LSAMP: variants seen among roughly 807,000 people sequenced by gnomAD.
LSAMP encodes the protein limbic system-associated membrane protein.
A neutral mutation model predicts 38.6 loss-of-function variants in LSAMP; 7 were observed. The observed-to-expected ratio is 0.18, with a 90% CI of 0.10 to 0.34. The LOEUF (loss-of-function observed/expected upper bound fraction) is 0.34, where lower values mean the gene tolerates loss of function less well. Ranked by LOEUF, LSAMP falls within the 10% of genes least tolerant of loss-of-function variation. LSAMP has a pLI of 1.00. For synonymous variants in LSAMP, 154 were observed against 166.8 expected (o/e 0.92, Z 0.59); for missense variants, 313 against 420.0 (o/e 0.75, Z 2.23).
At chr3:115,915,630 T>C (rs574420354) in intron 3 of LSAMP, among the ~76,000 whole-genome samples, 2 of 152,208 alleles carry the variant, frequency 1.3e-5, no homozygotes, top group South Asian at 4.1e-4. Context: ...TGGATGGAAA[T>C]TAGGAATATC....
chr3:116,138,565 C>T (rs2107512032), intron 1 of LSAMP, among the ~76,000 whole-genome samples: 1 of 152,068 alleles, frequency 6.6e-6, no homozygotes, highest in South Asian at 2.1e-4. Flanking sequence ...GATGCCATGG[C>T]AATACAACTT....
intron 1 of LSAMP, among the ~76,000 whole-genome samples, chr3:116,165,294 C>G (rs866093343): frequency 2.0e-5 from 3 of 152,200 alleles, no homozygotes; most frequent in Admixed American, 1.3e-4. Context: ...ATCATTGCAG[C>G]TTTCTCCTCT....
At chr3:116,273,707 T>TATATATATATATATATATATATATAC (rs1307543165) in intron 1 of LSAMP, among the ~76,000 whole-genome samples, 2 of 102,608 alleles carry the variant, frequency 1.9e-5, no homozygotes, top group African/African-American at 4.7e-5. Flanking sequence ...TATATATATA[T>TATATATATATATATATATATATATAC]ACACACACAC....
chr3:116,180,316 G>A (rs1006799373), intron 1 of LSAMP, among the ~76,000 whole-genome samples: 1 of 151,692 alleles, frequency 6.6e-6, no homozygotes, highest in Non-Finnish European at 1.5e-5. Flanking sequence ...AATACAAGAT[G>A]CAATGAGAGT....
intron 1 of LSAMP, among the ~76,000 whole-genome samples, chr3:116,168,577 A>G (rs1710118741): frequency 1.3e-5 from 2 of 152,138 alleles, no homozygotes; most frequent in South Asian, 4.1e-4. Flanking sequence ...TTCTCAGCAT[A>G]TATCTGCTTC....
At chr3:116,165,594 G>C (rs1395896046) in intron 1 of LSAMP, among the ~76,000 whole-genome samples, 2 of 152,084 alleles carry the variant, frequency 1.3e-5, no homozygotes, top group Admixed American at 1.3e-4. Context: ...ATCCACCAAA[G>C]AGGAAATAAT....
At chr3:116,138,400 A>G (rs760581550) in intron 1 of LSAMP, among the ~76,000 whole-genome samples, 8 of 152,122 alleles carry the variant, frequency 5.3e-5, no homozygotes, top group Non-Finnish European at 8.8e-5. Context: ...TCTATTTTAA[A>G]TATTAGGGAA....
At chr3:115,839,152 C>T (rs1934898083) in intron 6 of LSAMP, among the ~76,000 whole-genome samples, 1 of 152,162 alleles carries the variant, frequency 6.6e-6, no homozygotes, top group Admixed American at 6.5e-5. Context: ...CAATTAATCC[C>T]ATTTATTTGA....
intron 1 of LSAMP, among the ~76,000 whole-genome samples, chr3:116,195,112 C>A (rs151038588): frequency 6.6e-6 from 1 of 152,274 alleles, no homozygotes; most frequent in African/African-American, 2.4e-5. Flanking sequence ...TTTTCCTCTG[C>A]CTTGGTCATA....
At chr3:116,387,650 G>C (rs555337824) in intron 1 of LSAMP, among the ~76,000 whole-genome samples, 47 of 152,172 alleles carry the variant, frequency 3.1e-4, no homozygotes, top group Non-Finnish European at 5.4e-4. Context: ...TTGGGGTAAA[G>C]ATGTGAGTAT....
At chr3:116,269,331 T>C (rs935629077) in intron 1 of LSAMP, among the ~76,000 whole-genome samples, 1 of 151,638 alleles carries the variant, frequency 6.6e-6, no homozygotes, top group African/African-American at 2.4e-5. Flanking sequence ...TTAAATAAAA[T>C]ATGCAACACA....
At chr3:116,131,832 C>CT (rs746101746) in intron 1 of LSAMP, among the ~76,000 whole-genome samples, 8,792 of 142,578 alleles carry the variant, frequency 0.062, 366 homozygotes, top group African/African-American at 0.12. Context: ...TTTTCTTTTT[C>CT]TTTTTTTTTT....
intron 6 of LSAMP, among the ~76,000 whole-genome samples, chr3:115,839,258 T>TTCCTTCC (rs58456110): frequency 2.8e-4 from 29 of 105,224 alleles, no homozygotes; most frequent in South Asian, 7.4e-4. Context: ...TCCTTCCTTC[T>TTCCTTCC]TTCTTTCCTT....
At chr3:116,401,852 G>T (rs1033302560) in intron 1 of LSAMP, among the ~76,000 whole-genome samples, 1 of 152,184 alleles carries the variant, frequency 6.6e-6, no homozygotes, top group African/African-American at 2.4e-5. Context: ...TCAGTTCACT[G>T]TGTAGATTGT....
intron 1 of LSAMP, among the ~76,000 whole-genome samples, chr3:116,103,464 C>CAAAAAAAA (rs59732794): frequency 3.5e-4 from 15 of 42,754 alleles, no homozygotes; most frequent in East Asian, 1.5e-3. Context: ...GACTCCTTCT[C>CAAAAAAAA]AAAAAAAAAA....
At chr3:115,836,100 T>G (rs938173947) in intron 6 of LSAMP, among the ~76,000 whole-genome samples, 2 of 152,218 alleles carry the variant, frequency 1.3e-5, no homozygotes, top group Non-Finnish European at 2.9e-5. Flanking sequence ...GCTGGGTAAA[T>G]GCACTCTGCC....
At chr3:116,115,380 C>T (rs1045156242) in intron 1 of LSAMP, among the ~76,000 whole-genome samples, 5 of 152,160 alleles carry the variant, frequency 3.3e-5, no homozygotes, top group East Asian at 1.9e-4. Context: ...AGTGAGTCAC[C>T]GGTCAATTAT....
At chr3:116,152,878 T>C (rs1181769255) in intron 1 of LSAMP, among the ~76,000 whole-genome samples, 16 of 152,094 alleles carry the variant, frequency 1.1e-4, no homozygotes, top group Admixed American at 9.8e-4. Flanking sequence ...ATCAGGTCTC[T>C]ATTTCACTAA....
At chr3:115,987,099 A>G (rs1939530528) in intron 3 of LSAMP, among the ~76,000 whole-genome samples, 1 of 152,166 alleles carries the variant, frequency 6.6e-6, no homozygotes, top group Non-Finnish European at 1.5e-5. Context: ...AAAAGGAAGT[A>G]TATGGCTCTC....
Sources: gnomAD v4.1 joint callset for allele counts (sites outside exome capture counted in the v4.1 genomes callset) on GRCh38, gnomAD v4.1.1 for gene constraint, MANE v1.5 for transcripts, NCBI Gene and HGNC (gene_info 2026-07-23, HGNC 2026-07-21) for gene names.